EPB41L4A: variants seen among roughly 807,000 people sequenced by gnomAD.
The protein encoded by EPB41L4A is erythrocyte membrane protein band 4.1 like 4A, also known as band 4.1-like protein 4A.
Under a neutral mutation model 108.6 loss-of-function variants are expected in EPB41L4A, and 100 were observed. The ratio of observed to expected loss-of-function variants is 0.92; its 90% confidence interval spans 0.78 to 1.09. The LOEUF (loss-of-function observed/expected upper bound fraction) is 1.09. EPB41L4A is among the 50% of genes least tolerant of loss of function. EPB41L4A has a pLI of 0.00. For synonymous variants in EPB41L4A, 319 were observed against 289.0 expected, an observed-to-expected ratio of 1.10 and a Z score of -1.05; for missense variants, 1,030 against 842.7, an observed-to-expected ratio of 1.22 and a Z score of -2.75.
intron 9 of EPB41L4A, among the ~76,000 whole-genome samples, chr5:112,247,453 A>G (rs1375223136): frequency 6.6e-6 from 1 of 152,152 alleles, no homozygotes; most frequent in East Asian, 1.9e-4. Context: ...GTGCCTTTCA[A>G]CAATGGAAGT....
At chr5:112,161,665 T>A (rs762942820), downstream of EPB41L4A, 1 of 514,568 alleles carries the variant, frequency 1.9e-6, no homozygotes, top group Non-Finnish European at 3.9e-6. Context: ...TAGCCTTAAG[T>A]GTATGGTTTC....
At chr5:112,191,429 G>C (rs189716821) in intron 17 of EPB41L4A, among the ~76,000 whole-genome samples, 2 of 152,280 alleles carry the variant, frequency 1.3e-5, no homozygotes, top group Admixed American at 1.3e-4. Context: ...TAGCCTTCCA[G>C]AGCTGGTGTG....
rs531828807 is a variant in EPB41L4A at position 112,392,784 on chromosome 5, T to C, written c.99+26157A>G. ...CTCTCCACCCCAAATCAACAGAATA[T>C]AGTTTCTTCTCAGCACCACATCACA... On this transcript the variant is annotated intron_variant, in intron 1 of 22. Coordinates refer to ENST00000261486, the MANE Select transcript of EPB41L4A (RefSeq NM_022140.5). 13 of 152,316 alleles carry C rather than the reference T, an allele frequency of 8.5e-5. No individual in the cohort carries two copies. In the South Asian group the frequency reaches 2.3e-3, roughly 27 times the overall value. The allele number at this position is 152,316 out of a possible 1,614,324, so 9.4% of individuals were successfully genotyped here. A position where few individuals can be genotyped will look rare whatever the true frequency, so the allele number is the denominator to read the frequency against.
intron 19 of EPB41L4A, 48 bp downstream of exon 19, chr5:112,170,897 T>G (rs1457205909): frequency 6.4e-7 from 1 of 1,557,646 alleles, no homozygotes; most frequent in South Asian, 1.1e-5. Context: ...GCAATTGCAT[T>G]AAAACTACAT....
At chr5:112,154,524 T>C (rs1049498897) in intron 12 of EPB41L4A, among the ~76,000 whole-genome samples, 13 of 152,202 alleles carry the variant, frequency 8.5e-5, no homozygotes, top group Admixed American at 8.5e-4. Flanking sequence ...CAATACTCTT[T>C]TTACATATAA....
intron 17 of EPB41L4A, among the ~76,000 whole-genome samples, chr5:112,187,246 AT>A (rs1051102610): frequency 2.6e-5 from 4 of 152,192 alleles, no homozygotes; most frequent in Non-Finnish European, 2.9e-5. Context: ...ACTAACAAAC[AT>A]TTATTTCCAG....
At position 112,266,226 on chromosome 5, in the gene EPB41L4A, C is replaced by G. The variant is rs1315894766; in HGVS notation, c.433+7G>C. On this transcript the variant is annotated splice_region_variant and intron_variant, in intron 5 of 22. Coordinates refer to ENST00000261486, the MANE Select transcript of EPB41L4A (RefSeq NM_022140.5). ...TTCTGAGGCAAATATGCTTAAGTGG[C>G]ACCTACACTGGATGGCATACGCTCC... The G allele has an allele frequency of 6.3e-7, 1 of 1,590,660 alleles. No homozygotes were observed. Among genetic ancestry groups the G allele is most frequent in the Non-Finnish European group, 8.5e-7 (1 of 1,169,780 alleles).
chr5:112,206,312 G>A (rs1244575471), intron 13 of EPB41L4A, among the ~76,000 whole-genome samples: 2 of 151,734 alleles, frequency 1.3e-5, no homozygotes, highest in Non-Finnish European at 2.9e-5. Context: ...GGGTCATAGA[G>A]GAGTACTTTG....
intron 1 of EPB41L4A, among the ~76,000 whole-genome samples, chr5:112,349,225 A>AT (rs1318707659): frequency 1.3e-5 from 2 of 152,146 alleles, no homozygotes; most frequent in Non-Finnish European, 2.9e-5. Flanking sequence ...TAAGGACATC[A>AT]TTTTACAGGT....
chr5:112,360,846 A>C (rs1758687494), intron 1 of EPB41L4A, among the ~76,000 whole-genome samples: 1 of 148,166 alleles, frequency 6.7e-6, no homozygotes, highest in Non-Finnish European at 1.5e-5. Context: ...CTGCCCCGCC[A>C]CTCCGTCTGG....
chr5:112,410,168 G>A (rs1313527973), intron 1 of EPB41L4A, among the ~76,000 whole-genome samples: 1 of 152,172 alleles, frequency 6.6e-6, no homozygotes, highest in African/African-American at 2.4e-5. Context: ...AGAAAAAGGT[G>A]AGAGGGAATG....
chr5:112,366,097 C>G (rs1759104043), intron 1 of EPB41L4A, among the ~76,000 whole-genome samples: 1 of 151,934 alleles, frequency 6.6e-6, no homozygotes, highest in Admixed American at 6.6e-5. Flanking sequence ...GTAAAGTGAC[C>G]CAGAGACAGA....
chr5:112,254,330 A>C (rs1750913520), intron 9 of EPB41L4A, among the ~76,000 whole-genome samples: 1 of 152,176 alleles, frequency 6.6e-6, no homozygotes, highest in Non-Finnish European at 1.5e-5. Context: ...AATGCTTCCC[A>C]AATCTGCCGA....
At chr5:112,364,036 C>CA (rs1561610245) in intron 1 of EPB41L4A, among the ~76,000 whole-genome samples, 1 of 152,084 alleles carries the variant, frequency 6.6e-6, no homozygotes, top group Admixed American at 6.6e-5. Context: ...TTCATTCATT[C>CA]ATTTATTTTT....
At chr5:112,243,087 G>A (rs1274064929) in intron 9 of EPB41L4A, among the ~76,000 whole-genome samples, 4 of 151,988 alleles carry the variant, frequency 2.6e-5, no homozygotes, top group South Asian at 2.1e-4. Flanking sequence ...GGTGGCAGGC[G>A]CCTGTAATCC....
downstream of EPB41L4A, among the ~76,000 whole-genome samples, chr5:112,157,992 G>A (rs7711555): frequency 0.18 from 27,352 of 152,146 alleles, 2,563 homozygotes; most frequent in Middle Eastern, 0.21. Flanking sequence ...CCTGTACTTA[G>A]TAATTGGGTT....
chr5:112,331,539 T>A (rs1454084642), intron 1 of EPB41L4A, among the ~76,000 whole-genome samples: 1 of 152,206 alleles, frequency 6.6e-6, no homozygotes, highest in Non-Finnish European at 1.5e-5. Flanking sequence ...TATATAGCAT[T>A]GTCTGCCATC....
chr5:112,348,977 A>T (rs1323471488), intron 1 of EPB41L4A, among the ~76,000 whole-genome samples: 1 of 152,204 alleles, frequency 6.6e-6, no homozygotes, highest in African/African-American at 2.4e-5. Flanking sequence ...GAATTCTGGG[A>T]AATAACTGGA....
chr5:112,266,087 AC>A, intron 5 of EPB41L4A, 145 bp downstream of exon 5: 2 of 650,066 alleles, frequency 3.1e-6, no homozygotes, highest in Non-Finnish European at 5.3e-6. Context: ...GGAACACTGA[AC>A]AAAACTTGAA....
Sources: gnomAD v4.1 joint callset for allele counts (sites outside exome capture counted in the v4.1 genomes callset) on GRCh38, gnomAD v4.1.1 for gene constraint, MANE v1.5 for transcripts, NCBI Gene and HGNC (gene_info 2026-07-23, HGNC 2026-07-21) for gene names.